PAK3: variants seen among roughly 807,000 people sequenced by gnomAD.
The protein encoded by PAK3 is serine/threonine-protein kinase PAK 3.
A neutral mutation model predicts 41.0 loss-of-function variants in PAK3; 4 were observed. The observed-to-expected ratio is 0.10, with a 90% confidence interval of 0.05 to 0.22. The LOEUF (loss-of-function observed/expected upper bound fraction) is 0.22, where lower values mean the gene tolerates loss of function less well. Among genes scored for constraint, PAK3 ranks in the 10% least tolerant of loss-of-function variants. The probability of loss-of-function intolerance (pLI) is 1.00; values close to 1 mark genes in which losing one functional copy is unlikely to be tolerated. For missense variants in PAK3, 205 were observed against 409.9 expected (o/e 0.50, Z 4.32); for synonymous variants, 146 against 139.6 (o/e 1.05, Z -0.32).
chrX:111,000,667 ATGTTAAGG>A (rs2091831582), intron 1 of PAK3, among the ~76,000 whole-genome samples: 1 of 112,077 alleles, frequency 8.9e-6, no homozygotes, highest in South Asian at 3.8e-4. Context: ...TAGTATTATT[ATGTTAAGG>A]TGTTAAGATT....
At position 111,036,594 on chromosome X, in the gene PAK3, C is replaced by T. The variant is rs762316994; in HGVS notation, c.-27-86483C>T. The stretch of plus-strand genomic sequence containing the variant: ...CCCCCCATGATTTAATTATCTCCAC[C>T]TGGTCCTGCTCTTGACATGTGGAGA... On this transcript the variant is annotated intron_variant, in intron 1 of 14. Coordinates refer to the PAK3 transcript ENST00000425146. Among the ~76,000 whole-genome samples the T allele has an allele frequency of 3.6e-5, 4 of 112,149 alleles. No homozygotes were observed. The East Asian group carries it at 1.1e-3, about 32-fold the overall frequency.
intron 1 of PAK3, among the ~76,000 whole-genome samples, chrX:110,990,379 ATACCATT>A (rs1225563371): frequency 8.9e-6 from 1 of 112,141 alleles, no homozygotes; most frequent in Non-Finnish European, 1.9e-5. Context: ...GACAGTGAAC[ATACCATT>A]TATGCAGGGC....
intron 1 of PAK3, among the ~76,000 whole-genome samples, chrX:111,016,160 G>A (rs748434318): frequency 8.9e-6 from 1 of 112,410 alleles, no homozygotes; most frequent in Non-Finnish European, 1.9e-5. Context: ...ATCTCCATAT[G>A]CACATTAACC....
intron 1 of PAK3, among the ~76,000 whole-genome samples, chrX:111,064,283 A>G (rs189796272): frequency 5.3e-4 from 59 of 111,685 alleles, no homozygotes; most frequent in African/African-American, 1.9e-3. Flanking sequence ...CTTATTTTTT[A>G]TTATTTTTAA....
At position 111,100,140 on chromosome X, in the gene PAK3, C is replaced by T. The variant is rs137905911; in HGVS notation, c.-176+2456C>T. On this transcript the variant is annotated intron_variant, in intron 3 of 17. Transcript: ENST00000372007. ...AAAGGTTCTGTGTGGCTGGGTCTCACAGACCTGAGTGGATGGGTGGGTGGC... is the reference window on the plus strand; with the variant it reads ...AAAGGTTCTGTGTGGCTGGGTCTCATAGACCTGAGTGGATGGGTGGGTGGC... 6.5e-3 allele frequency among the ~76,000 whole-genome samples: 719 copies of T among 110,492 alleles called. 8 individuals carry two copies. The highest frequency in any genetic ancestry group is 0.022 in the African/African-American group (665 of 30,244).
chrX:111,030,697 G>GA (rs1394718002), intron 1 of PAK3, among the ~76,000 whole-genome samples: 3 of 110,651 alleles, frequency 2.7e-5, no homozygotes, highest in Admixed American at 9.7e-5. Flanking sequence ...TGAGAAAAAG[G>GA]AAAAAAATCT....
chrX:111,192,130 A>G lies in PAK3; in HGVS notation c.834A>G (p.Ala278=). ...YTRFEKIGQG[A]SGTVYTALDI... is the part of the protein sequence containing the mutation. ...TTGATAATTTTCACCTTCACAGGGC[A>G]TCAGGTACTGTTTATACAGCACTAG... Residue 278 remains alanine (A), a synonymous_variant, in exon 12 of 18, where the codon GCA becomes GCG. Transcript: ENST00000372007. 1 of 1,090,030 alleles carries G rather than the reference A, an allele frequency of 9.2e-7. No homozygotes were observed. The highest frequency in any genetic ancestry group is 1.3e-6 in the Non-Finnish European group (1 of 785,235). 89.8% of individuals were successfully genotyped at this position (1,090,030 alleles called of 1,213,427 possible). A position where few individuals can be genotyped will look rare whatever the true frequency, so the allele number is the denominator to read the frequency against.
intron 5 of PAK3, among the ~76,000 whole-genome samples, chrX:111,132,076 G>A (rs898194518): frequency 2.7e-5 from 3 of 110,694 alleles, no homozygotes; most frequent in Non-Finnish European, 5.7e-5. Context: ...ACAGGCCAAA[G>A]GCAACATTTT....
intron 1 of PAK3, among the ~76,000 whole-genome samples, chrX:111,008,059 C>T (rs113716712): frequency 0.017 from 1,950 of 111,900 alleles, 47 homozygotes; most frequent in African/African-American, 0.06. Context: ...AATCAAATAG[C>T]GAGTACAGCA....
intron 1 of PAK3, among the ~76,000 whole-genome samples, chrX:111,086,184 GCT>G (rs1421821443): frequency 9.0e-6 from 1 of 110,621 alleles, no homozygotes; most frequent in African/African-American, 3.3e-5. Flanking sequence ...TCTTTGAGGC[GCT>G]GTTTGTGGGA....
At chrX:111,072,735 T>C (rs998176765) in intron 1 of PAK3, among the ~76,000 whole-genome samples, 1 of 112,169 alleles carries the variant, frequency 8.9e-6, no homozygotes, top group African/African-American at 3.2e-5. Context: ...AGGAGCAATC[T>C]GATAAGATAT....
chrX:111,193,032 A>T (rs1300317263), intron 13 of PAK3, among the ~76,000 whole-genome samples: 1 of 111,897 alleles, frequency 8.9e-6, no homozygotes, highest in East Asian at 2.8e-4. Flanking sequence ...GGGAATTCAG[A>T]CTTTAATCTC....
chrX:111,105,895 A>ATT (rs2093250184), intron 4 of PAK3, among the ~76,000 whole-genome samples: 2 of 111,970 alleles, frequency 1.8e-5, no homozygotes, highest in Non-Finnish European at 3.8e-5. Context: ...TTACACACAC[A>ATT]GGTATAGTCA....
chrX:111,120,015 A>G (rs1366704876), intron 4 of PAK3, among the ~76,000 whole-genome samples: 1 of 112,457 alleles, frequency 8.9e-6, no homozygotes, highest in Non-Finnish European at 1.9e-5. Context: ...AAACAAAACC[A>G]TATCTGAACT....
chrX:110,967,089 A>C (rs1336142773), intron 1 of PAK3, among the ~76,000 whole-genome samples: 2 of 112,157 alleles, frequency 1.8e-5, no homozygotes, highest in African/African-American at 6.5e-5. Context: ...AGAGTGTCTG[A>C]TCTTCCTGCC....
At chrX:111,152,384 A>C (rs16986385) in intron 7 of PAK3, 26 bp from the exon 8 acceptor site, 1 of 1,095,507 alleles carries the variant, frequency 9.1e-7, no homozygotes, top group Middle Eastern at 2.4e-4. Flanking sequence ...TGAAACAAAA[A>C]TGACCTCTCT....
At chrX:111,071,812 T>C (rs1421423584) in intron 1 of PAK3, among the ~76,000 whole-genome samples, 1 of 112,210 alleles carries the variant, frequency 8.9e-6, no homozygotes, top group Non-Finnish European at 1.9e-5. Flanking sequence ...CATAGAATCC[T>C]TTAGAAATTG....
chrX:111,155,447 G>C (rs1314894816), intron 8 of PAK3, among the ~76,000 whole-genome samples: 2 of 108,304 alleles, frequency 1.8e-5, no homozygotes, highest in Non-Finnish European at 3.8e-5. Flanking sequence ...GCTGCAGTGA[G>C]GCGTGATTGT....
chrX:111,147,163 A>G (rs979563452), intron 6 of PAK3, among the ~76,000 whole-genome samples: 1 of 111,419 alleles, frequency 9.0e-6, no homozygotes, highest in Non-Finnish European at 1.9e-5. Context: ...TTGCCCCTCC[A>G]CAATTCTATT....
Sources: allele counts gnomAD v4.1 joint callset (sites outside exome capture counted in the v4.1 genomes callset), GRCh38; gene constraint gnomAD v4.1.1; transcripts MANE v1.5; gene names NCBI Gene and HGNC (gene_info 2026-07-23, HGNC 2026-07-21).